Variants in ANGPT1 observed in about 807,000 individuals in gnomAD.
The protein encoded by ANGPT1 is angiopoietin 1, also known as angiopoietin-1.
Under a neutral mutation model 62.2 loss-of-function variants are expected in ANGPT1, and 17 were observed. The ratio of observed to expected loss-of-function variants is 0.27; its 90% CI spans 0.19 to 0.41. The LOEUF (loss-of-function observed/expected upper bound fraction) is 0.41, where lower values mean the gene tolerates loss of function less well. ANGPT1 is among the 10% of genes least tolerant of loss of function. The probability of loss-of-function intolerance (pLI) is 1.00; values close to 1 mark genes in which losing one functional copy is unlikely to be tolerated. For synonymous variants in ANGPT1, 199 were observed against 198.9 expected, an observed-to-expected ratio of 1.00 and a Z score of 0.00; for missense variants, 478 against 594.9, an observed-to-expected ratio of 0.80 and a Z score of 2.04.
chr8:107,435,200 TTAAC>T (rs1811300976), intron 1 of ANGPT1, among the ~76,000 whole-genome samples: 1 of 152,194 alleles, frequency 6.6e-6, no homozygotes, highest in South Asian at 2.1e-4. Flanking sequence ...TGTCTGTAAA[TTAAC>T]TAAAAGTCAT....
intron 2 of ANGPT1, 77 bp downstream of exon 2, chr8:107,346,863 GCT>G (rs1563579436): frequency 7.7e-7 from 1 of 1,299,136 alleles, no homozygotes; most frequent in Non-Finnish European, 1.1e-6. Context: ...GCTGAAATGT[GCT>G]CTGTGTTTAT....
chr8:107,496,706 T>C (rs565728606), intron 1 of ANGPT1, among the ~76,000 whole-genome samples: 2 of 152,268 alleles, frequency 1.3e-5, no homozygotes, highest in African/African-American at 2.4e-5. Flanking sequence ...TCTACTATTC[T>C]ACCACTTGCT....
chr8:107,338,567 C>G (rs1268708671), intron 2 of ANGPT1, among the ~76,000 whole-genome samples: 1 of 152,142 alleles, frequency 6.6e-6, no homozygotes, highest in Non-Finnish European at 1.5e-5. Flanking sequence ...TCTGAAAGCC[C>G]GTCTAAAATG....
chr8:107,336,440 T>G (rs1275762795), intron 2 of ANGPT1, 169 bp from the exon 3 acceptor site: 2 of 1,049,390 alleles, frequency 1.9e-6, no homozygotes, highest in Non-Finnish European at 2.4e-6. Flanking sequence ...CCAAGGCGGG[T>G]GGATCACGAG....
At chr8:107,311,937 G>A (rs1437948416) in intron 4 of ANGPT1, among the ~76,000 whole-genome samples, 8 of 151,942 alleles carry the variant, frequency 5.3e-5, no homozygotes, top group East Asian at 1.9e-4. Context: ...GGTGGCGGGC[G>A]CCTGTAGTCC....
intron 6 of ANGPT1, among the ~76,000 whole-genome samples, chr8:107,287,285 A>G (rs1814165706): frequency 6.6e-6 from 1 of 152,190 alleles, no homozygotes. Flanking sequence ...GACAAGCATT[A>G]GCCTCATTCC....
At chr8:107,384,109 C>T (rs924000411) in intron 1 of ANGPT1, among the ~76,000 whole-genome samples, 5 of 152,076 alleles carry the variant, frequency 3.3e-5, no homozygotes, top group Admixed American at 6.6e-5. Flanking sequence ...TCATCCAAAA[C>T]CTGTGGAGTC....
chr8:107,301,113 C>T (rs1814577271), intron 5 of ANGPT1, among the ~76,000 whole-genome samples: 2 of 151,908 alleles, frequency 1.3e-5, no homozygotes, highest in Non-Finnish European at 2.9e-5. Flanking sequence ...ATTTGTACTG[C>T]ACCCCTTCCC....
At chr8:107,266,693 G>A (rs141382876) in intron 7 of ANGPT1, among the ~76,000 whole-genome samples, 186 of 147,408 alleles carry the variant, frequency 1.3e-3, no homozygotes, top group South Asian at 5.1e-3. Flanking sequence ...CATTTTCTCC[G>A]CAGTAGCTTT....
At chr8:107,476,225 A>G (rs943124468) in intron 1 of ANGPT1, among the ~76,000 whole-genome samples, 1 of 152,138 alleles carries the variant, frequency 6.6e-6, no homozygotes, top group Non-Finnish European at 1.5e-5. Flanking sequence ...GAAAATGTGG[A>G]ACATATACAC....
chr8:107,490,331 C>T (rs761458229), intron 1 of ANGPT1, among the ~76,000 whole-genome samples: 7 of 152,208 alleles, frequency 4.6e-5, no homozygotes, highest in Non-Finnish European at 1.0e-4. Flanking sequence ...ACTTGTTTAT[C>T]CACAGGCTGC....
chr8:107,265,183 G>T (rs1813584035), intron 7 of ANGPT1, among the ~76,000 whole-genome samples: 1 of 152,028 alleles, frequency 6.6e-6, no homozygotes, highest in Non-Finnish European at 1.5e-5. Context: ...CCCTCTAATG[G>T]ATGTGCATAT....
chr8:107,336,495 C>G (rs965744663), intron 2 of ANGPT1: 5 of 516,466 alleles, frequency 9.7e-6, no homozygotes, highest in African/African-American at 8.5e-5. Flanking sequence ...GAAACCCCGT[C>G]TCTACTAAAA....
At chr8:107,463,511 C>A (rs116704048) in intron 1 of ANGPT1, among the ~76,000 whole-genome samples, 174 of 152,196 alleles carry the variant, frequency 1.1e-3, no homozygotes, top group African/African-American at 4.0e-3. Flanking sequence ...TCCAGTTCAT[C>A]TAGGATCAAC....
intron 7 of ANGPT1, among the ~76,000 whole-genome samples, chr8:107,282,609 C>T (rs1814043588): frequency 8.4e-6 from 1 of 119,620 alleles, no homozygotes; most frequent in Non-Finnish European, 1.7e-5. Context: ...CCTCAGCTTT[C>T]CTTCCCATAA....
At chr8:107,308,217 C>T (rs184629305) in intron 4 of ANGPT1, among the ~76,000 whole-genome samples, 1,478 of 136,118 alleles carry the variant, frequency 0.011, 23 homozygotes, top group African/African-American at 0.033. Context: ...CTTCCATGAA[C>T]GCTATACCCA....
chr8:107,302,204 C>T (rs991753925), intron 5 of ANGPT1, among the ~76,000 whole-genome samples: 3 of 151,788 alleles, frequency 2.0e-5, no homozygotes, highest in Non-Finnish European at 4.4e-5. Context: ...TGTAAAGTTG[C>T]CTGAGGGAAT....
intron 1 of ANGPT1, among the ~76,000 whole-genome samples, chr8:107,485,332 G>A (rs1416217336): frequency 1.3e-5 from 2 of 152,164 alleles, no homozygotes; most frequent in South Asian, 2.1e-4. Flanking sequence ...GCAAAGGTGG[G>A]TGAAAAGAAT....
At chr8:107,311,156 A>C (rs10505107) in intron 4 of ANGPT1, among the ~76,000 whole-genome samples, 42,891 of 151,506 alleles carry the variant, frequency 0.28, 7,401 homozygotes, top group Admixed American at 0.39. Context: ...TGGATCATTG[A>C]AAGTACGTGT....
Sources: gnomAD v4.1 joint callset for allele counts (sites outside exome capture counted in the v4.1 genomes callset) on GRCh38, gnomAD v4.1.1 for gene constraint, MANE v1.5 for transcripts, NCBI Gene and HGNC (gene_info 2026-07-23, HGNC 2026-07-21) for gene names.